The following LMO7 variants were observed in gnomAD, a reference collection of about 807,000 sequenced individuals.
LMO7 encodes the protein LIM domain only protein 7.
Under a neutral mutation model 206.5 loss-of-function variants are expected in LMO7, and 120 were observed. That is an observed-to-expected ratio of 0.58 (90% CI 0.50 to 0.68). LMO7 has a LOEUF of 0.68. Among genes scored for constraint, LMO7 ranks in the 30% least tolerant of loss-of-function variants. LMO7 has a pLI of 0.00. For missense variants in LMO7, 1,959 were observed against 1,957.9 expected (o/e 1.00, Z -0.01); for synonymous variants, 706 against 681.5 (o/e 1.04, Z -0.56).
upstream of LMO7, among the ~76,000 whole-genome samples, chr13:75,633,841 C>T (rs7993871): frequency 0.014 from 933 of 64,708 alleles, 72 homozygotes; most frequent in East Asian, 0.025. Flanking sequence ...GTGTCTTTTC[C>T]TTTTTTTTTT....
intron 1 of LMO7, among the ~76,000 whole-genome samples, chr13:75,706,274 G>C (rs950816978): frequency 6.6e-6 from 1 of 152,186 alleles, no homozygotes; most frequent in Admixed American, 6.5e-5. Flanking sequence ...CTTAAGGTAA[G>C]TAGCTGAGGC....
At chr13:75,735,202 G>A (rs1419673422) in intron 3 of LMO7, among the ~76,000 whole-genome samples, 1 of 151,118 alleles carries the variant, frequency 6.6e-6, no homozygotes, top group African/African-American at 2.4e-5. Context: ...GTTTTATCCT[G>A]TACTTCTCTA....
chr13:75,681,731 T>TATATATAC (rs1192319043), intron 1 of LMO7, among the ~76,000 whole-genome samples: 2 of 131,366 alleles, frequency 1.5e-5, no homozygotes, highest in South Asian at 2.6e-4. Flanking sequence ...TATATATATA[T>TATATATAC]ATATATATAT....
At chr13:75,675,042 C>G (rs557747842) in intron 1 of LMO7, among the ~76,000 whole-genome samples, 10 of 152,028 alleles carry the variant, frequency 6.6e-5, no homozygotes, top group African/African-American at 2.4e-4. Flanking sequence ...TAAATTATAA[C>G]AGAAGAATGT....
chr13:75,725,988 AT>A lies in LMO7; in HGVS notation c.141-1026del, dbSNP rs34824538. ...AGGAGTGACATTCCACAGGCTTCAGATTTTTTTTTTTTTTTGCTGCCCATTG... is the reference window on the plus strand; with the variant it reads ...AGGAGTGACATTCCACAGGCTTCAGATTTTTTTTTTTTTTGCTGCCCATTG... On this transcript the variant is annotated intron_variant, in intron 2 of 30. Transcript: ENST00000377534. Among the ~76,000 whole-genome samples, 544 of 141,110 alleles carry A rather than the reference AT, an allele frequency of 3.9e-3. 1 individual carries two copies. The highest frequency in any genetic ancestry group is 5.8e-3 in the Admixed American group (81 of 14,036). 92.6% of individuals were successfully genotyped at this position (141,110 alleles called of 152,430 possible).
intron 1 of LMO7, among the ~76,000 whole-genome samples, chr13:75,666,632 C>T (rs1326433095): frequency 1.3e-5 from 2 of 152,126 alleles, no homozygotes; most frequent in East Asian, 1.9e-4. Context: ...CAGCAAATAC[C>T]TATAGATAAT....
At chr13:75,777,942 G>A (rs1432690248) in intron 4 of LMO7, among the ~76,000 whole-genome samples, 1 of 152,074 alleles carries the variant, frequency 6.6e-6, no homozygotes, top group Non-Finnish European at 1.5e-5. Flanking sequence ...ACCGTGCCTG[G>A]CCACTTCTGA....
At chr13:75,653,887 A>T (rs375989442) in intron 1 of LMO7, among the ~76,000 whole-genome samples, 3 of 152,204 alleles carry the variant, frequency 2.0e-5, no homozygotes, top group East Asian at 1.9e-4. Context: ...AACTTAGGTA[A>T]GTTTGTACCT....
intron 1 of LMO7, among the ~76,000 whole-genome samples, chr13:75,712,934 A>G (rs1311382704): frequency 6.7e-6 from 1 of 149,394 alleles, no homozygotes; most frequent in Non-Finnish European, 1.5e-5. Context: ...AAATGATTAT[A>G]TTACTGAAAA....
intron 4 of LMO7, among the ~76,000 whole-genome samples, chr13:75,764,282 A>G (rs1442409614): frequency 2.6e-5 from 4 of 152,136 alleles, no homozygotes; most frequent in African/African-American, 2.4e-5. Context: ...TTTTGTGTGG[A>G]TGAAAAACTG....
intron 15 of LMO7, among the ~76,000 whole-genome samples, chr13:75,824,953 TTTC>T (rs1189604366): frequency 2.6e-5 from 4 of 152,114 alleles, no homozygotes; most frequent in Non-Finnish European, 5.9e-5. Flanking sequence ...AAATTTAAAC[TTTC>T]TTTTCTGGTT....
chr13:75,739,568 G>A (rs1186583341), intron 3 of LMO7, among the ~76,000 whole-genome samples: 1 of 152,150 alleles, frequency 6.6e-6, no homozygotes, highest in Non-Finnish European at 1.5e-5. Context: ...CTATTTTCTG[G>A]AAAGTTTTTA....
intron 1 of LMO7, among the ~76,000 whole-genome samples, chr13:75,682,059 G>C (rs542797342): frequency 2.0e-5 from 3 of 152,060 alleles, no homozygotes; most frequent in Non-Finnish European, 4.4e-5. Flanking sequence ...AGAAATAGAT[G>C]AACTGCTTTC....
intron 28 of LMO7, chr13:75,854,876 G>C (rs1041179222): frequency 3.0e-4 from 47 of 158,134 alleles, no homozygotes; most frequent in African/African-American, 9.3e-4. Flanking sequence ...GTGCTCTGAG[G>C]GGGTAGGAGG....
intron 3 of LMO7, among the ~76,000 whole-genome samples, chr13:75,753,337 A>G (rs1315267569): frequency 6.6e-6 from 1 of 152,158 alleles, no homozygotes; most frequent in African/African-American, 2.4e-5. Context: ...TAGTTTGCAA[A>G]TATTTTCTCC....
At chr13:75,711,942 C>T (rs1433507638) in intron 1 of LMO7, among the ~76,000 whole-genome samples, 1 of 152,242 alleles carries the variant, frequency 6.6e-6, no homozygotes, top group African/African-American at 2.4e-5. Flanking sequence ...TAGGAAGGAT[C>T]TACCTCTTCC....
chr13:75,814,270 C>A (rs2056756991), intron 11 of LMO7, among the ~76,000 whole-genome samples: 2 of 152,096 alleles, frequency 1.3e-5, no homozygotes, highest in East Asian at 1.9e-4. Flanking sequence ...TGTGAGAAAA[C>A]CTACCTCATT....
intron 3 of LMO7, chr13:75,760,695 C>T: frequency 3.3e-6 from 5 of 1,524,568 alleles, no homozygotes; most frequent in Non-Finnish European, 4.4e-6. Context: ...TCACAAAGAT[C>T]ACAGAAACAG....
intron 4 of LMO7, among the ~76,000 whole-genome samples, chr13:75,781,267 T>A (rs1419011172): frequency 3.3e-5 from 3 of 91,100 alleles, no homozygotes; most frequent in African/African-American, 1.3e-4. Context: ...CCCAATGCTA[T>A]CCCTCCCCCC....
Sources: gnomAD v4.1 joint callset for allele counts (sites outside exome capture counted in the v4.1 genomes callset) on GRCh38, gnomAD v4.1.1 for gene constraint, MANE v1.5 for transcripts, NCBI Gene and HGNC (gene_info 2026-07-23, HGNC 2026-07-21) for gene names.